AGAP1: variants seen among roughly 807,000 people sequenced by gnomAD.
The protein encoded by AGAP1 is arf-GAP with GTPase, ANK repeat and PH domain-containing protein 1.
A neutral mutation model predicts 105.3 loss-of-function variants in AGAP1; 29 were observed. The ratio of observed to expected loss-of-function variants is 0.28; its 90% CI spans 0.21 to 0.38. The LOEUF is 0.38. AGAP1 is among the 10% of genes least tolerant of loss of function. The pLI, the probability that AGAP1 is intolerant of heterozygous loss-of-function variation, is 1.00. For missense variants in AGAP1, 998 were observed against 1,165.1 expected (o/e 0.86, Z 2.09); for synonymous variants, 509 against 485.9 (o/e 1.05, Z -0.63).
In AGAP1 at chr2:235,622,809, C is replaced by T. The variant is rs1946527902; in HGVS notation, c.164-86370C>T. ...TTATGCAGTGAGACTTCAGGGCAGGCACACATGTCGCTTCCTGCACCCACA... is the reference window on the plus strand; with the variant it reads ...TTATGCAGTGAGACTTCAGGGCAGGTACACATGTCGCTTCCTGCACCCACA... On this transcript the variant is annotated intron_variant, in intron 1 of 17. Coordinates refer to ENST00000304032, the MANE Select transcript of AGAP1 (RefSeq NM_001037131.3). The surrounding 1 kb of genome is among the most constrained non-coding windows in gnomAD (Gnocchi z 5.0). Among the ~76,000 whole-genome samples, 1 of 152,018 alleles carries T rather than the reference C, an allele frequency of 6.6e-6. No homozygotes were observed. Among genetic ancestry groups the T allele is most frequent in the Admixed American group, 6.6e-5 (1 of 15,246 alleles).
At chr2:236,102,461 G>GC (rs2059379544) in intron 16 of AGAP1, among the ~76,000 whole-genome samples, 1 of 146,844 alleles carries the variant, frequency 6.8e-6, no homozygotes, top group East Asian at 2.0e-4. Flanking sequence ...GGTGGCTCAT[G>GC]CCTGTAATCC....
intron 13 of AGAP1, among the ~76,000 whole-genome samples, chr2:236,004,924 T>TA (rs1161036541): frequency 6.6e-6 from 1 of 152,260 alleles, no homozygotes; most frequent in Non-Finnish European, 1.5e-5. Flanking sequence ...TTGGCAGTGT[T>TA]ACTCTTGGCA....
chr2:235,902,208 C>T (rs908441778), intron 10 of AGAP1, among the ~76,000 whole-genome samples: 2 of 152,152 alleles, frequency 1.3e-5, no homozygotes, highest in African/African-American at 4.8e-5. Context: ...TCTCACGTTA[C>T]ACAGATGTGT....
rs192937426 is a variant in AGAP1, at chr2:235,601,277, G to C, written c.163+106428G>C. ...TACTGTGTCCTCTCTGTGCTTGGGG[G>C]TGGGGAGAGAGGCGAGAAGGGAAGG... On this transcript the variant is annotated intron_variant, in intron 1 of 17. Transcript: ENST00000304032. This position sits in a 1 kb window ranked among gnomAD's most constrained non-coding sequence, Gnocchi z 4.4. Among the ~76,000 whole-genome samples the C allele has an allele frequency of 1.2e-4, 19 of 152,326 alleles. No individual in the cohort carries two copies. Among genetic ancestry groups the C allele is most frequent in the Non-Finnish European group, 1.0e-4 (7 of 68,028 alleles).
At chr2:236,111,402 A>G (rs1455338693) in intron 16 of AGAP1, among the ~76,000 whole-genome samples, 1 of 151,904 alleles carries the variant, frequency 6.6e-6, no homozygotes, top group Non-Finnish European at 1.5e-5. Flanking sequence ...TGTAGTTGCA[A>G]CTGCTCAAGG....
rs1377831598 is a variant in AGAP1, at chr2:235,586,978, TGAAA to T, written c.163+92130_163+92133del. On this transcript the variant is annotated intron_variant, in intron 1 of 17. Coordinates refer to ENST00000304032, the MANE Select transcript of AGAP1 (RefSeq NM_001037131.3). This position sits in a 1 kb window ranked among gnomAD's most constrained non-coding sequence, Gnocchi z 4.2. ...ACTAGGGTGGCAGTTTTGAGTCCCA[TGAAA>T]ACAAACACATTTACTCTGTCTAGCT... is the stretch of plus-strand genomic sequence containing the variant. Among the ~76,000 whole-genome samples, 1 of 152,244 alleles carries T rather than the reference TGAAA, an allele frequency of 6.6e-6. No individual in the cohort carries two copies. Among genetic ancestry groups the T allele is most frequent in the African/African-American group, 2.4e-5 (1 of 41,468 alleles).
At chr2:235,834,894 A>G (rs1959938025) in intron 9 of AGAP1, among the ~76,000 whole-genome samples, 1 of 152,112 alleles carries the variant, frequency 6.6e-6, no homozygotes, top group Non-Finnish European at 1.5e-5. Flanking sequence ...TGTCTTAATC[A>G]CGCCACGCAG....
rs2057508752 is a variant in AGAP1, at chr2:236,040,328, G to C, written c.1801-423G>C. The stretch of plus-strand genomic sequence containing the variant: ...TTTCTGACAAGGAACCATGAGATAT[G>C]TCTTACATTGCTGATGAAGCCCTAA... On this transcript the variant is annotated intron_variant, in intron 14 of 17. Coordinates refer to ENST00000304032, the MANE Select transcript of AGAP1 (RefSeq NM_001037131.3). This position sits in a 1 kb window ranked among gnomAD's most constrained non-coding sequence, Gnocchi z 5.6. Among the ~76,000 whole-genome samples, 1 of 152,108 alleles carries C rather than the reference G, an allele frequency of 6.6e-6. No homozygotes were observed.
chr2:235,771,266 T>C (rs1955421756), intron 6 of AGAP1, among the ~76,000 whole-genome samples: 1 of 152,170 alleles, frequency 6.6e-6, no homozygotes, highest in South Asian at 2.1e-4. Context: ...AGGCAGATGG[T>C]CAGAGGCAGG....
At chr2:235,759,383 A>G (rs751549288) in intron 6 of AGAP1, among the ~76,000 whole-genome samples, 4 of 149,698 alleles carry the variant, frequency 2.7e-5, no homozygotes, top group East Asian at 2.0e-4. Flanking sequence ...GTTAGCCAGG[A>G]TGGTCTTGAT....
chr2:235,797,066 ACATCT>A (rs2150039001), intron 6 of AGAP1, among the ~76,000 whole-genome samples: 1 of 152,324 alleles, frequency 6.6e-6, no homozygotes, highest in Non-Finnish European at 1.5e-5. Context: ...TGATATAATT[ACATCT>A]CCTTGAATAT....
chr2:235,790,125 G>A (rs1012287389), intron 6 of AGAP1, among the ~76,000 whole-genome samples: 2 of 152,096 alleles, frequency 1.3e-5, no homozygotes, highest in African/African-American at 2.4e-5. Context: ...AATGATGAAA[G>A]CCTCTTCTAG....
chr2:236,087,879 C>T lies in AGAP1; in HGVS notation c.2115-32313C>T, dbSNP rs185287218. Among the ~76,000 whole-genome samples, 1 of 152,160 alleles carries T rather than the reference C, an allele frequency of 6.6e-6. No individual in the cohort carries two copies. The highest frequency in any genetic ancestry group is 2.4e-5 in the African/African-American group (1 of 41,434). On this transcript the variant is annotated intron_variant, in intron 16 of 17. Transcript: ENST00000304032. This position sits in a 1 kb window ranked among gnomAD's most constrained non-coding sequence, Gnocchi z 5.7. ...AGGAGGAGACGTTACAGCAGGTCCTCTCTGGTTGGGACCTGCTTAAAGATG... is the reference window on the plus strand; with the variant it reads ...AGGAGGAGACGTTACAGCAGGTCCTTTCTGGTTGGGACCTGCTTAAAGATG...
chr2:236,088,169 C>A (rs147735720), intron 16 of AGAP1, among the ~76,000 whole-genome samples: 7 of 152,194 alleles, frequency 4.6e-5, no homozygotes, highest in African/African-American at 1.7e-4. Context: ...GTCTCTGGGT[C>A]CCCAGCCTTA....
intron 10 of AGAP1, among the ~76,000 whole-genome samples, chr2:235,885,446 T>A (rs1172663926): frequency 2.0e-5 from 3 of 152,218 alleles, no homozygotes; most frequent in Non-Finnish European, 4.4e-5. Flanking sequence ...TCTGTCCCCT[T>A]GTCCAATTTG....
rs1559350139 is a variant in AGAP1, at chr2:235,686,590, T to TACAC, written c.164-22589_164-22588insACAC. Among the ~76,000 whole-genome samples the TACAC allele has an allele frequency of 1.9e-3, 188 of 99,452 alleles. 2 individuals carry two copies. Among genetic ancestry groups the TACAC allele is most frequent in the African/African-American group, 6.7e-3 (138 of 20,576 alleles). 65.2% of individuals were successfully genotyped at this position (99,452 alleles called of 152,430 possible). On this transcript the variant is annotated intron_variant, in intron 1 of 17. Transcript: ENST00000304032. ...ACACACACACACACACACACACACGTGTGTGTGTATATATATACGTGGAGA... is the reference window on the plus strand; with the variant it reads ...ACACACACACACACACACACACACGTACACGTGTGTGTATATATATACGTGGAGA...
intron 1 of AGAP1, among the ~76,000 whole-genome samples, chr2:235,502,771 T>C (rs12478171): frequency 0.46 from 68,121 of 148,012 alleles, 16,564 homozygotes; most frequent in Admixed American, 0.57. Context: ...TTTCAAATAA[T>C]GTCCATGTTC....
chr2:235,568,535 C>T (rs1187343663), intron 1 of AGAP1, among the ~76,000 whole-genome samples: 2 of 152,150 alleles, frequency 1.3e-5, no homozygotes, highest in African/African-American at 2.4e-5. Context: ...GTGGCAGAAC[C>T]GAGACCCAGA....
At position 236,038,707 on chromosome 2, in the gene AGAP1, C is replaced by T. The variant is rs939699935; in HGVS notation, c.1800+1992C>T. ...ACCAGCTTTATAGTATTTTACCTGC[C>T]AGTGGATAATTGAGAGCTGATACAG... is the stretch of plus-strand genomic sequence containing the variant. On this transcript the variant is annotated intron_variant, in intron 14 of 17. Coordinates refer to ENST00000304032, the MANE Select transcript of AGAP1 (RefSeq NM_001037131.3). This position sits in a 1 kb window ranked among gnomAD's most constrained non-coding sequence, Gnocchi z 4.5. Among the ~76,000 whole-genome samples, 9 of 152,060 alleles carry T rather than the reference C, an allele frequency of 5.9e-5. No individual in the cohort carries two copies. Among genetic ancestry groups the T allele is most frequent in the Non-Finnish European group, 1.5e-5 (1 of 68,018 alleles).
Sources: allele counts gnomAD v4.1 joint callset (sites outside exome capture counted in the v4.1 genomes callset), GRCh38; gene constraint gnomAD v4.1.1; non-coding constraint Gnocchi (gnomAD v3.1); transcripts MANE v1.5; gene names NCBI Gene and HGNC (gene_info 2026-07-23, HGNC 2026-07-21).